Variants in CNTN4 observed in about 807,000 individuals in gnomAD.
CNTN4 encodes the protein contactin 4.
A neutral mutation model predicts 122.5 loss-of-function variants in CNTN4; 77 were observed. The ratio of observed to expected loss-of-function variants is 0.63; its 90% CI spans 0.52 to 0.76. CNTN4 has a LOEUF of 0.76. CNTN4 is among the 30% of genes least tolerant of loss of function. The probability of loss-of-function intolerance (pLI) is 0.00; values close to 1 mark genes in which losing one functional copy is unlikely to be tolerated. For missense variants in CNTN4, 1,256 were observed against 1,259.1 expected (o/e 1.00, Z 0.04); for synonymous variants, 512 against 447.0 (o/e 1.15, Z -1.83).
At chr3:2,210,238 AGAT>A (rs1165307533) in intron 2 of CNTN4, among the ~76,000 whole-genome samples, 1 of 152,210 alleles carries the variant, frequency 6.6e-6, no homozygotes. Context: ...CTACATGAAA[AGAT>A]GACCACAAGC....
intron 13 of CNTN4, among the ~76,000 whole-genome samples, chr3:2,980,740 A>G (rs1183783924): frequency 6.6e-6 from 1 of 152,190 alleles, no homozygotes; most frequent in Non-Finnish European, 1.5e-5. Flanking sequence ...AGAGAGAGGA[A>G]CATTCAAATG....
intron 2 of CNTN4, among the ~76,000 whole-genome samples, chr3:2,287,732 A>AGAAGAAGAAGAGGAAGAG (rs2041985661): frequency 1.0e-5 from 1 of 98,290 alleles, no homozygotes; most frequent in African/African-American, 3.8e-5. Flanking sequence ...AAGAAGAAGA[A>AGAAGAAGAAGAGGAAGAG]GAAGAAGAAG....
intron 4 of CNTN4, among the ~76,000 whole-genome samples, chr3:2,611,929 C>T (rs1443713676): frequency 6.6e-6 from 1 of 152,030 alleles, no homozygotes; most frequent in African/African-American, 2.4e-5. Context: ...AGACACACTA[C>T]TAGGTGGCCC....
rs147745069 is a variant in CNTN4, at chr3:2,754,734, C to T, written c.358+9037C>T. Among the ~76,000 whole-genome samples the T allele has an allele frequency of 2.4e-3, 350 of 143,724 alleles. 2 individuals carry two copies. Among genetic ancestry groups the T allele is most frequent in the African/African-American group, 8.7e-3 (336 of 38,500 alleles). 94.3% of individuals were successfully genotyped at this position (143,724 alleles called of 152,430 possible). Reference sequence around the variant, plus strand: ...GAATAAAGTAACTCTTCTGCTGTTGCGGAATGAAGTGAAAAAAAAAAAAAG... The same window carrying T: ...GAATAAAGTAACTCTTCTGCTGTTGTGGAATGAAGTGAAAAAAAAAAAAAG... On this transcript the variant is annotated intron_variant, in intron 6 of 24. Coordinates refer to ENST00000418658, the MANE Select transcript of CNTN4 (RefSeq NM_175607.3).
At chr3:2,806,495 C>T (rs962288239) in intron 6 of CNTN4, among the ~76,000 whole-genome samples, 9 of 152,198 alleles carry the variant, frequency 5.9e-5, no homozygotes, top group Non-Finnish European at 1.3e-4. Flanking sequence ...AGGCAGAAAA[C>T]AGTAACTATC....
intron 2 of CNTN4, among the ~76,000 whole-genome samples, chr3:2,307,551 A>G (rs763012832): frequency 3.3e-5 from 5 of 152,034 alleles, no homozygotes; most frequent in African/African-American, 4.8e-5. Context: ...CCATTTCTGC[A>G]GGTGCCCTTT....
chr3:2,787,455 G>A (rs1021625731), intron 6 of CNTN4, among the ~76,000 whole-genome samples: 14 of 152,194 alleles, frequency 9.2e-5, no homozygotes, highest in African/African-American at 3.4e-4. Flanking sequence ...GGAGTAAACC[G>A]AGGAGATATA....
At chr3:2,621,222 T>C (rs896491694) in intron 4 of CNTN4, among the ~76,000 whole-genome samples, 1 of 152,172 alleles carries the variant, frequency 6.6e-6, no homozygotes, top group African/African-American at 2.4e-5. Context: ...AAGTATAACA[T>C]GCAGCAAGGG....
intron 3 of CNTN4, among the ~76,000 whole-genome samples, chr3:2,460,836 T>C (rs2049178020): frequency 6.6e-6 from 1 of 152,238 alleles, no homozygotes; most frequent in Admixed American, 6.5e-5. Flanking sequence ...TTTGAGTAAC[T>C]ACTGTGTGTG....
intron 6 of CNTN4, among the ~76,000 whole-genome samples, chr3:2,799,899 C>T (rs1245857684): frequency 6.6e-6 from 1 of 151,950 alleles, no homozygotes; most frequent in East Asian, 1.9e-4. Context: ...TATGCTTTCC[C>T]CAGTGTATAT....
chr3:2,613,751 T>C (rs931904605), intron 4 of CNTN4, among the ~76,000 whole-genome samples: 1 of 152,138 alleles, frequency 6.6e-6, no homozygotes. Context: ...GTCATAAGCA[T>C]TTGTTTTTAA....
intron 6 of CNTN4, among the ~76,000 whole-genome samples, chr3:2,797,837 C>G (rs983785906): frequency 1.3e-5 from 2 of 151,626 alleles, no homozygotes; most frequent in African/African-American, 4.8e-5. Context: ...GTCTGTTACA[C>G]TATGACCCTT....
chr3:2,936,355 C>T (rs2094567226), intron 13 of CNTN4, among the ~76,000 whole-genome samples: 1 of 152,276 alleles, frequency 6.6e-6, no homozygotes, highest in South Asian at 2.1e-4. Context: ...AAAGCAGAGT[C>T]CCACTCTCCA....
At chr3:2,408,768 G>A (rs1463776507) in intron 3 of CNTN4, among the ~76,000 whole-genome samples, 2 of 152,074 alleles carry the variant, frequency 1.3e-5, no homozygotes, top group East Asian at 1.9e-4. Flanking sequence ...AATAAAATGT[G>A]GTGTTAGTAG....
chr3:2,760,396 C>A (rs1006141684), intron 6 of CNTN4, among the ~76,000 whole-genome samples: 2 of 151,762 alleles, frequency 1.3e-5, no homozygotes, highest in South Asian at 2.1e-4. Context: ...TTTTCAGATT[C>A]TTTCTTTTGC....
At chr3:2,807,623 C>T (rs2092501039) in intron 6 of CNTN4, among the ~76,000 whole-genome samples, 1 of 152,134 alleles carries the variant, frequency 6.6e-6, no homozygotes, top group South Asian at 2.1e-4. Context: ...AGCTGTTACT[C>T]CCCATACCTT....
intron 4 of CNTN4, among the ~76,000 whole-genome samples, chr3:2,613,668 A>G (rs751625667): frequency 6.6e-6 from 1 of 152,162 alleles, no homozygotes; most frequent in East Asian, 1.9e-4. Flanking sequence ...TTACACTATA[A>G]TTCATGAAAA....
intron 4 of CNTN4, among the ~76,000 whole-genome samples, chr3:2,663,428 C>A (rs2084001427): frequency 6.6e-6 from 1 of 152,004 alleles, no homozygotes; most frequent in South Asian, 2.1e-4. Context: ...GCATGTCTGG[C>A]TAGTTAGATA....
At chr3:2,593,157 A>G (rs2080581684) in intron 4 of CNTN4, among the ~76,000 whole-genome samples, 1 of 152,196 alleles carries the variant, frequency 6.6e-6, no homozygotes, top group Non-Finnish European at 1.5e-5. Context: ...ACATTTTCTG[A>G]ATGTATGGAA....
Sources: allele counts gnomAD v4.1 joint callset (sites outside exome capture counted in the v4.1 genomes callset), GRCh38; gene constraint gnomAD v4.1.1; transcripts MANE v1.5; gene names NCBI Gene and HGNC (gene_info 2026-07-23, HGNC 2026-07-21).